The following FRS3 variants were observed in gnomAD, a reference collection of about 807,000 sequenced individuals.
FRS3 encodes the protein FGFR substrate 3.
FRS3 carries 17 observed loss-of-function variants against 41.9 expected under a neutral mutation model. That is an observed-to-expected ratio of 0.41 (90% confidence interval 0.28 to 0.61). The LOEUF (loss-of-function observed/expected upper bound fraction) is 0.61. FRS3 is among the 20% of genes least tolerant of loss of function. The pLI is 0.36. For missense variants in FRS3, 619 were observed against 672.1 expected (o/e 0.92, Z 0.87); for synonymous variants, 287 against 274.5 (o/e 1.05, Z -0.45).
chr6:41,777,094 A>G, intron 2 of FRS3, 84 bp from the exon 3 acceptor site: 1 of 885,720 alleles, frequency 1.1e-6, no homozygotes, highest in South Asian at 1.4e-5. Context: ...GAAGCACGTC[A>G]TTGTGATCAC....
rs1772289438 is a variant in FRS3, at chr6:41,771,385, C to T, written c.713G>A (p.Gly238Asp). Reference sequence around the variant, plus strand: ...CGGGCCCAACACAAACTTCACCTGGCCTGGCTGCAAGAACACCTGTGGGTC... The same window carrying T: ...CGGGCCCAACACAAACTTCACCTGGTCTGGCTGCAAGAACACCTGTGGGTC... ...QRDPQVFLQP[G>D]QVKFVLGPTP... The change falls in exon 7 of 7, where the codon GGC (glycine) becomes GAC (aspartate). Residue 238 changes from glycine (G) to aspartate (D), a missense_variant. Coordinates refer to ENST00000373018, the MANE Select transcript of FRS3 (RefSeq NM_006653.5). The T allele has an allele frequency of 6.2e-7, 1 of 1,613,688 alleles. No homozygotes were observed. The highest frequency in any genetic ancestry group is 8.5e-7 in the Non-Finnish European group (1 of 1,179,840).
At chr6:41,774,317 GAA>G (rs1043694052) in intron 4 of FRS3, among the ~76,000 whole-genome samples, 1 of 151,662 alleles carries the variant, frequency 6.6e-6, no homozygotes, top group Non-Finnish European at 1.5e-5. Context: ...TGCTTCCTAG[GAA>G]AAAAAACTCC....
intron 2 of FRS3, 27 bp from the exon 3 acceptor site, chr6:41,777,037 G>C (rs772344038): frequency 2.6e-6 from 4 of 1,542,452 alleles, no homozygotes; most frequent in Non-Finnish European, 3.6e-6. Flanking sequence ...GGATATGCAG[G>C]TCACCAACTT....
chr6:41,779,247 G>C (rs1772475192), intron 1 of FRS3, among the ~76,000 whole-genome samples: 1 of 152,056 alleles, frequency 6.6e-6, no homozygotes, highest in South Asian at 2.1e-4. Flanking sequence ...GGACTGCATT[G>C]AGTGGAAATG....
intron 1 of FRS3, 21 bp downstream of exon 1, chr6:41,779,795 C>G (rs1402449148): frequency 6.8e-6 from 1 of 146,836 alleles, no homozygotes; most frequent in Admixed American, 6.7e-5. Context: ...CTCGTCCCCG[C>G]CCCGCCGCGC....
intron 4 of FRS3, among the ~76,000 whole-genome samples, chr6:41,773,811 G>A (rs1462934484): frequency 6.6e-6 from 1 of 151,672 alleles, no homozygotes; most frequent in African/African-American, 2.4e-5. Flanking sequence ...GGTGGAGGGT[G>A]CAGTGAGCCG....
chr6:41,771,854 C>G lies in FRS3; in HGVS notation c.526G>C (p.Glu176Gln). 1 of 1,552,828 alleles carries G rather than the reference C, an allele frequency of 6.4e-7. No individual in the cohort carries two copies. Among genetic ancestry groups the G allele is most frequent in the Non-Finnish European group, 8.7e-7 (1 of 1,147,752 alleles). The change falls in exon 6 of 7, where the codon GAA becomes CAA. Residue 176 changes from glutamate to glutamine, a missense_variant. By Grantham distance (29) the Glu-to-Gln change is conservative. Transcript: ENST00000373018. Reference sequence around the variant, plus strand: ...GCAATGAGGGCATGGGTGGACTCTTCCCCAAGCGAGGGGTGCCGCAGGCTG... The same window carrying G: ...GCAATGAGGGCATGGGTGGACTCTTGCCCAAGCGAGGGGTGCCGCAGGCTG... ...TSSLRHPSLG[E>Q]ESTHALIAPD...
intron 2 of FRS3, 178 bp downstream of exon 2, chr6:41,777,855 A>G (rs1448287661): frequency 6.6e-6 from 1 of 152,346 alleles, no homozygotes; most frequent in East Asian, 1.9e-4. Flanking sequence ...GCATGGACCA[A>G]TACCAAGCAG....
chr6:41,770,583 A>G lies in FRS3; in HGVS notation c.*36T>C. On this transcript the variant is annotated 3_prime_UTR_variant, in exon 7 of 7. Coordinates refer to ENST00000373018, the MANE Select transcript of FRS3 (RefSeq NM_006653.5). ...AGGAGTGTGAGGCAGAGGCTGGATC[A>G]TGGTGGGGCAGAGGGTGGTGAGGAC... 1 of 1,604,238 alleles carries G rather than the reference A, an allele frequency of 6.2e-7. No individual in the cohort carries two copies. Among genetic ancestry groups the G allele is most frequent in the Non-Finnish European group, 8.5e-7 (1 of 1,171,098 alleles).
rs2127298562 is a variant in FRS3 at position 41,771,087 on chromosome 6, C to T, written c.1011G>A (p.Gln337=). 6.3e-7 allele frequency: 1 copy of T among 1,595,400 alleles called. No individual in the cohort carries two copies. The highest frequency in any genetic ancestry group is 1.1e-5 in the South Asian group (1 of 88,610). ...PLPPVWESQA[Q]QLGGEAGDDG... ...CATCCCCAGCCTCCCCTCCCAGCTG[C>T]TGGGCTTGGCTTTCCCACACAGGGG... is the stretch of plus-strand genomic sequence containing the variant. The change falls in exon 7 of 7, where the codon CAG becomes CAA. Residue 337 remains glutamine, a synonymous_variant. Coordinates refer to ENST00000373018, the MANE Select transcript of FRS3 (RefSeq NM_006653.5).
chr6:41,771,479 G>A lies in FRS3; in HGVS notation c.619C>T (p.His207Tyr). The change falls in exon 7 of 7, where the codon CAC becomes TAC. Residue 207 changes from histidine to tyrosine, a missense_variant. By Grantham distance (83) the His-to-Tyr change is moderately conservative. This residue lies in a region of FRS3 where 487 missense variants were observed against 478.3 expected (regional missense o/e 1.02). Coordinates refer to ENST00000373018, the MANE Select transcript of FRS3 (RefSeq NM_006653.5). Reference protein sequence around the residue: ...ASEDDHRRGRHCLQPLPEGQA... With the variant: ...ASEDDHRRGRYCLQPLPEGQA... ...CCCTCAGGCAGGGGCTGCAGGCAGT[G>A]GCGGCCCCTGCGGTGGTCATCTTCA... The A allele has an allele frequency of 1.3e-6, 2 of 1,588,958 alleles. No homozygotes were observed.
rs758107928 is a variant in FRS3, at chr6:41,771,034, G to A, written c.1064C>T (p.Pro355Leu). The A allele has an allele frequency of 1.2e-6, 2 of 1,612,062 alleles. No homozygotes were observed. The highest frequency in any genetic ancestry group is 1.1e-5 in the South Asian group (1 of 91,026). The change falls in exon 7 of 7, where the codon CCC becomes CTC. Residue 355 changes from proline (P) to leucine (L), a missense_variant. Around this residue, in one of 3 missense-constraint regions of FRS3, gnomAD observed 487 missense variants for 478.3 expected, o/e 1.02. Coordinates refer to ENST00000373018, the MANE Select transcript of FRS3 (RefSeq NM_006653.5). ...DDGDSRDGLT[P>L]SSNGFPDGEE... ...ACCATCAGGGAAGCCATTGGAAGAG[G>A]GTGTGAGCCCATCCCTCGAGTCCCC...
chr6:41,778,779 G>A (rs1273602953), intron 1 of FRS3, among the ~76,000 whole-genome samples: 1 of 152,096 alleles, frequency 6.6e-6, no homozygotes. Flanking sequence ...CTTCAATTTC[G>A]CATTTGGAAG....
chr6:41,775,954 G>T (rs975357107), intron 3 of FRS3, among the ~76,000 whole-genome samples: 2 of 152,166 alleles, frequency 1.3e-5, no homozygotes, highest in Non-Finnish European at 2.9e-5. Context: ...ATGGGGAAGG[G>T]GTTCAATTGT....
chr6:41,777,210 G>A (rs3761781), intron 2 of FRS3, among the ~76,000 whole-genome samples, 200 bp from the exon 3 acceptor site: 22,881 of 152,234 alleles, frequency 0.15, 1,756 homozygotes, highest in East Asian at 0.23. Context: ...AAGTTACAAT[G>A]TGTTAAGGAT....
At position 41,770,574 on chromosome 6, in the gene FRS3, G is replaced by C. The variant is rs776302253; in HGVS notation, c.*45C>G. Reference sequence around the variant, plus strand: ...TCAGAGGACAGGAGTGTGAGGCAGAGGCTGGATCATGGTGGGGCAGAGGGT... The same window carrying C: ...TCAGAGGACAGGAGTGTGAGGCAGACGCTGGATCATGGTGGGGCAGAGGGT... On this transcript the variant is annotated 3_prime_UTR_variant, in exon 7 of 7. Coordinates refer to ENST00000373018, the MANE Select transcript of FRS3 (RefSeq NM_006653.5). 2 of 1,592,736 alleles carry C rather than the reference G, an allele frequency of 1.3e-6. No homozygotes were observed. The highest frequency in any genetic ancestry group is 4.5e-5 in the East Asian group (2 of 44,792).
chr6:41,770,521 G>A lies in FRS3; in HGVS notation c.*98C>T. The A allele has an allele frequency of 7.9e-7, 1 of 1,261,166 alleles. No homozygotes were observed. Among genetic ancestry groups the A allele is most frequent in the Non-Finnish European group, 1.1e-6 (1 of 877,316 alleles). 78.1% of individuals were successfully genotyped at this position (1,261,166 alleles called of 1,614,324 possible). A position where few individuals can be genotyped will look rare whatever the true frequency, so the allele number is the denominator to read the frequency against. On this transcript the variant is annotated 3_prime_UTR_variant, in exon 7 of 7. Transcript: ENST00000373018. ...GTCCCACCTCCATGCCTTCTGCAAA[G>A]CAACCCTGAACCCTGGGGAGGGTGG...
At position 41,776,935 on chromosome 6, in the gene FRS3, G is replaced by A. The variant is rs760975374; in HGVS notation, c.53C>T (p.Pro18Leu). The A allele has an allele frequency of 1.2e-6, 2 of 1,613,926 alleles. No homozygotes were observed. Among genetic ancestry groups the A allele is most frequent in the Non-Finnish European group, 1.7e-6 (2 of 1,179,804 alleles). The change falls in exon 3 of 7, where the codon CCC becomes CTC. Residue 18 changes from proline (P) to leucine (L), a missense_variant. By Grantham distance (98) the Pro-to-Leu change is moderately conservative (BLOSUM62 -3). Coordinates refer to ENST00000373018, the MANE Select transcript of FRS3 (RefSeq NM_006653.5). The stretch of plus-strand genomic sequence containing the variant: ...GGCTCTGGGTACCTTGAACTTGGTG[G>A]GGTGGTTGTCTGGAACGCTGTCTCT... ...LNRDSVPDNH[P>L]TKFKVTNVDD...
In FRS3 at chr6:41,775,447, C is replaced by T. The variant is rs1283306180; in HGVS notation, c.225G>A (p.Glu75=). 2 of 1,612,842 alleles carry T rather than the reference C, an allele frequency of 1.2e-6. No individual in the cohort carries two copies. Among genetic ancestry groups the T allele is most frequent in the African/African-American group, 1.3e-5 (1 of 74,918 alleles). The change falls in exon 4 of 7, where the codon GAG becomes GAA. Residue 75 remains glutamate, a synonymous_variant. Transcript: ENST00000373018. The stretch of plus-strand genomic sequence containing the variant: ...GGCCTGTCTGACATCGGCGGCCACT[C>T]TCAAAGGAGAAGAGGTTGGAGTCGT... ...YGYDSNLFSF[E]SGRRCQTGQG...
Sources: gnomAD v4.1 joint callset for allele counts (sites outside exome capture counted in the v4.1 genomes callset) on GRCh38, gnomAD v4.1.1 for gene constraint, gnomAD v4.1.1 regional missense constraint, MANE v1.5 for transcripts, NCBI Gene and HGNC (gene_info 2026-07-23, HGNC 2026-07-21) for gene names.